Variants in FHIT observed in about 807,000 individuals in gnomAD.
FHIT encodes fragile histidine triad diadenosine triphosphatase, also known as bis(5'-adenosyl)-triphosphatase.
Under a neutral mutation model 17.9 loss-of-function variants are expected in FHIT, and 19 were observed. The ratio of observed to expected loss-of-function variants is 1.06; its 90% CI spans 0.74 to 1.56. FHIT has a LOEUF of 1.56. Ranked by LOEUF, FHIT falls within the 40% of genes most tolerant of loss-of-function variation. FHIT has a pLI of 0.00. For synonymous variants in FHIT, 81 were observed against 69.7 expected (o/e 1.16, Z -0.81); for missense variants, 248 against 189.2 (o/e 1.31, Z -1.82).
chr3:61,025,377 T>G (rs1402280773), intron 3 of FHIT, among the ~76,000 whole-genome samples: 2 of 152,218 alleles, frequency 1.3e-5, no homozygotes, highest in East Asian at 3.8e-4. Context: ...TGACCAAATG[T>G]CACTCTATAT....
intron 8 of FHIT, among the ~76,000 whole-genome samples, chr3:59,822,978 A>G (rs1359787587): frequency 1.3e-5 from 2 of 152,184 alleles, no homozygotes; most frequent in East Asian, 3.8e-4. Context: ...ATTTTTGTAT[A>G]AGGTGAGAGA....
At chr3:60,460,335 G>T (rs1197331661) in intron 5 of FHIT, among the ~76,000 whole-genome samples, 1 of 151,932 alleles carries the variant, frequency 6.6e-6, no homozygotes, top group African/African-American at 2.4e-5. Context: ...CACGGCTTTG[G>T]ACTAATAACC....
At chr3:59,827,171 G>A (rs1701007887) in intron 8 of FHIT, among the ~76,000 whole-genome samples, 1 of 152,176 alleles carries the variant, frequency 6.6e-6, no homozygotes, top group Admixed American at 6.5e-5. Context: ...GTTACCTGCG[G>A]TCAGCATCTC....
chr3:60,078,577 A>G lies in FHIT; in HGVS notation c.104-64425T>C, dbSNP rs115377739. Among the ~76,000 whole-genome samples, 322 of 152,262 alleles carry G rather than the reference A, an allele frequency of 2.1e-3. 1 individual carries two copies. Among genetic ancestry groups the G allele is most frequent in the African/African-American group, 7.7e-3 (319 of 41,542 alleles). ...GATCCTGGAATGGATCCTGGACCCA[A>G]ATAAAAGACAATGGCAGCATTTCCA... On this transcript the variant is annotated intron_variant, in intron 5 of 9. Coordinates refer to ENST00000492590, the MANE Select transcript of FHIT (RefSeq NM_002012.4).
intron 7 of FHIT, among the ~76,000 whole-genome samples, chr3:59,972,410 T>C (rs1267916513): frequency 6.6e-6 from 1 of 152,106 alleles, no homozygotes; most frequent in Non-Finnish European, 1.5e-5. Context: ...TTCCTTGGCA[T>C]GTTTGGCTGG....
At chr3:61,096,972 C>T (rs1043020863) in intron 2 of FHIT, among the ~76,000 whole-genome samples, 5 of 151,174 alleles carry the variant, frequency 3.3e-5, no homozygotes, top group Non-Finnish European at 5.9e-5. Flanking sequence ...CCAGCTACGC[C>T]GAAGGCTGAG....
At chr3:59,883,683 G>C (rs1411243675) in intron 8 of FHIT, among the ~76,000 whole-genome samples, 1 of 152,220 alleles carries the variant, frequency 6.6e-6, no homozygotes, top group Non-Finnish European at 1.5e-5. Context: ...TCAGTAGTGT[G>C]CTACCGCACG....
chr3:59,812,362 T>C (rs1268734394), intron 8 of FHIT, among the ~76,000 whole-genome samples: 1 of 152,166 alleles, frequency 6.6e-6, no homozygotes, highest in East Asian at 1.9e-4. Flanking sequence ...AAGTGAGTGA[T>C]AGCTCACCCA....
chr3:60,307,921 C>A (rs1475828144), intron 5 of FHIT, among the ~76,000 whole-genome samples: 1 of 152,152 alleles, frequency 6.6e-6, no homozygotes, highest in Non-Finnish European at 1.5e-5. Context: ...ATGATGCTGA[C>A]AGTAGCCAAC....
intron 1 of FHIT, among the ~76,000 whole-genome samples, chr3:61,206,727 A>T (rs997742862): frequency 4.0e-5 from 6 of 151,808 alleles, no homozygotes; most frequent in African/African-American, 1.5e-4. Flanking sequence ...GGCTGAGACG[A>T]TGGGGTTTTC....
intron 2 of FHIT, among the ~76,000 whole-genome samples, chr3:61,045,330 G>T (rs1370811445): frequency 2.0e-5 from 3 of 152,108 alleles, no homozygotes; most frequent in African/African-American, 7.2e-5. Flanking sequence ...AAAAGGCAGG[G>T]CTTGCAATCC....
chr3:60,027,759 T>C (rs1403897820), intron 5 of FHIT, among the ~76,000 whole-genome samples: 1 of 151,782 alleles, frequency 6.6e-6, no homozygotes, highest in Non-Finnish European at 1.5e-5. Flanking sequence ...TGAAGGATAG[T>C]ATTTTGGATT....
intron 3 of FHIT, among the ~76,000 whole-genome samples, chr3:60,927,686 G>T (rs1553770388): frequency 6.6e-6 from 1 of 151,624 alleles, no homozygotes; most frequent in African/African-American, 2.4e-5. Flanking sequence ...CCGTCTGGGA[G>T]GTGGGGAGCA....
At chr3:61,027,381 C>T (rs55653838) in intron 3 of FHIT, among the ~76,000 whole-genome samples, 13,249 of 152,254 alleles carry the variant, frequency 0.087, 776 homozygotes, top group Non-Finnish European at 0.13. Context: ...GCCAGCGCAC[C>T]CGGCCCTTAT....
chr3:60,666,046 C>A (rs1403941944), intron 4 of FHIT, among the ~76,000 whole-genome samples: 1 of 152,108 alleles, frequency 6.6e-6, no homozygotes, highest in Non-Finnish European at 1.5e-5. Flanking sequence ...CCATTTAAAT[C>A]TCTTGTCCTT....
At chr3:60,231,185 A>G (rs1215032384) in intron 5 of FHIT, among the ~76,000 whole-genome samples, 2 of 152,164 alleles carry the variant, frequency 1.3e-5, no homozygotes, top group Non-Finnish European at 2.9e-5. Context: ...CTTTGCAGAT[A>G]TATTATTCTC....
intron 4 of FHIT, among the ~76,000 whole-genome samples, chr3:60,545,079 T>C (rs956544007): frequency 1.2e-4 from 11 of 95,268 alleles, no homozygotes; most frequent in African/African-American, 4.8e-4. Flanking sequence ...TTACAATTTA[T>C]TGTTTTCTGA....
chr3:60,476,862 T>A, intron 5 of FHIT, among the ~76,000 whole-genome samples: 1 of 145,734 alleles, frequency 6.9e-6, no homozygotes, highest in South Asian at 2.3e-4. Context: ...TTTTTTTTTT[T>A]AAGAAGCCTT....
intron 8 of FHIT, among the ~76,000 whole-genome samples, chr3:59,763,526 T>A (rs950875721): frequency 1.3e-5 from 2 of 152,222 alleles, no homozygotes; most frequent in Non-Finnish European, 2.9e-5. Flanking sequence ...ATTCAATTAT[T>A]CAACAAATAT....
Sources: gnomAD v4.1 joint callset for allele counts (sites outside exome capture counted in the v4.1 genomes callset) on GRCh38, gnomAD v4.1.1 for gene constraint, MANE v1.5 for transcripts, NCBI Gene and HGNC (gene_info 2026-07-23, HGNC 2026-07-21) for gene names.